The following BBS9 variants were observed in gnomAD, a reference collection of about 807,000 sequenced individuals.
The protein encoded by BBS9 is protein PTHB1.
Under a neutral mutation model 117.7 loss-of-function variants are expected in BBS9, and 89 were observed. The ratio of observed to expected loss-of-function variants is 0.76; its 90% CI spans 0.64 to 0.90. The LOEUF (loss-of-function observed/expected upper bound fraction) is 0.90. Ranked by LOEUF, BBS9 falls within the 40% of genes least tolerant of loss-of-function variation. The pLI is 0.00. For synonymous variants in BBS9, 379 were observed against 370.9 expected (o/e 1.02, Z -0.25); for missense variants, 982 against 1,042.2 (o/e 0.94, Z 0.80).
At chr7:33,219,768 A>G (rs1265471303) in intron 5 of BBS9, among the ~76,000 whole-genome samples, 1 of 152,190 alleles carries the variant, frequency 6.6e-6, no homozygotes, top group Non-Finnish European at 1.5e-5. Flanking sequence ...GGGTGGGGCC[A>G]GATAAGAGAA....
intron 6 of BBS9, among the ~76,000 whole-genome samples, chr7:33,257,656 G>A (rs1032800671): frequency 2.0e-5 from 3 of 152,084 alleles, no homozygotes; most frequent in African/African-American, 7.2e-5. Context: ...GATGTTTGAT[G>A]GTCCTTATCC....
chr7:33,317,211 G>C (rs1810695344), intron 9 of BBS9, among the ~76,000 whole-genome samples: 1 of 152,094 alleles, frequency 6.6e-6, no homozygotes, highest in Non-Finnish European at 1.5e-5. Flanking sequence ...CCATTGATCT[G>C]TTTAGTCTCA....
intron 9 of BBS9, among the ~76,000 whole-genome samples, chr7:33,332,920 T>G (rs1814436255): frequency 6.6e-6 from 1 of 152,136 alleles, no homozygotes; most frequent in Non-Finnish European, 1.5e-5. Context: ...TTAGGTACAT[T>G]CATACTGCTG....
intron 19 of BBS9, among the ~76,000 whole-genome samples, chr7:33,408,039 G>A (rs1002990638): frequency 6.6e-6 from 1 of 152,228 alleles, no homozygotes; most frequent in African/African-American, 2.4e-5. Flanking sequence ...TGCCCCCAGA[G>A]GTGGAGCCTA....
At chr7:33,143,344 G>A (rs191669221) in intron 1 of BBS9, among the ~76,000 whole-genome samples, 85 of 152,066 alleles carry the variant, frequency 5.6e-4, no homozygotes, top group African/African-American at 1.9e-3. Flanking sequence ...CACCAACAGC[G>A]TACAGAGATT....
intron 19 of BBS9, among the ~76,000 whole-genome samples, chr7:33,473,481 A>G (rs557565440): frequency 1.7e-3 from 258 of 151,856 alleles, no homozygotes; most frequent in African/African-American, 6.0e-3. Flanking sequence ...CCGACACCAC[A>G]CCCAGCTAAT....
At chr7:33,329,489 A>G (rs555883277) in intron 9 of BBS9, among the ~76,000 whole-genome samples, 1 of 152,206 alleles carries the variant, frequency 6.6e-6, no homozygotes, top group African/African-American at 2.4e-5. Flanking sequence ...TTACTTTTAC[A>G]TTTATTATTT....
At chr7:33,521,025 G>T (rs1328699693) in intron 20 of BBS9, among the ~76,000 whole-genome samples, 1 of 152,074 alleles carries the variant, frequency 6.6e-6, no homozygotes, top group Non-Finnish European at 1.5e-5. Context: ...TCTGAGTAGT[G>T]CAGGTAACTG....
At chr7:33,275,013 A>AG (rs1800496610) in intron 9 of BBS9, among the ~76,000 whole-genome samples, 2 of 151,460 alleles carry the variant, frequency 1.3e-5, no homozygotes. Flanking sequence ...AAAAAAAAAA[A>AG]AAAGCCATCT....
chr7:33,568,018 A>AT (rs1452879212), intron 21 of BBS9, among the ~76,000 whole-genome samples: 7 of 152,110 alleles, frequency 4.6e-5, no homozygotes, highest in African/African-American at 1.7e-4. Context: ...TCTTCAATAC[A>AT]TTTTTTATAC....
chr7:33,149,363 CT>C, intron 2 of BBS9, among the ~76,000 whole-genome samples: 1 of 152,098 alleles, frequency 6.6e-6, no homozygotes, highest in South Asian at 2.1e-4. Context: ...TTGACCTCTA[CT>C]TTTTTTTAGG....
chr7:33,321,746 A>G (rs2128582856), intron 9 of BBS9, among the ~76,000 whole-genome samples: 1 of 152,192 alleles, frequency 6.6e-6, no homozygotes. Context: ...TAGGACTTTT[A>G]GTACTATGGT....
chr7:33,625,903 A>G (rs1379460208), intron 21 of BBS9, among the ~76,000 whole-genome samples: 1 of 152,228 alleles, frequency 6.6e-6, no homozygotes, highest in Admixed American at 6.5e-5. Flanking sequence ...ACACTAAATT[A>G]TATGTCTGAA....
rs1051716854 is a variant in BBS9 at position 33,155,689 on chromosome 7, C to A, written c.315C>A (p.Val105=). 2.6e-6 allele frequency: 4 copies of A among 1,517,988 alleles called. No homozygotes were observed. Among genetic ancestry groups the A allele is most frequent in the Non-Finnish European group, 3.6e-6 (4 of 1,111,012 alleles). 94.0% of individuals were successfully genotyped at this position (1,517,988 alleles called of 1,614,324 possible). The part of the protein sequence containing the change: ...LAVLHSRKLC[V]YSVSGTLGNV... ...TGTTACATTCTAGAAAACTTTGTGT[C>A]TACTCTGTCTCAGGTAAGAAATATT... is the stretch of plus-strand genomic sequence containing the variant. The change falls in exon 4 of 23, where the codon GTC becomes GTA. Residue 105 remains valine, a synonymous_variant. Coordinates refer to ENST00000242067, the MANE Select transcript of BBS9 (RefSeq NM_198428.3).
intron 14 of BBS9, among the ~76,000 whole-genome samples, 179 bp from the exon 15 acceptor site, chr7:33,352,680 A>G (rs1818885557): frequency 6.6e-6 from 1 of 152,138 alleles, no homozygotes; most frequent in Non-Finnish European, 1.5e-5. Flanking sequence ...TATTTGTGTT[A>G]TACTCTCAAT....
intron 5 of BBS9, among the ~76,000 whole-genome samples, chr7:33,236,531 G>A (rs961923842): frequency 4.0e-5 from 6 of 151,590 alleles, no homozygotes; most frequent in Non-Finnish European, 8.8e-5. Context: ...TACTATGCCT[G>A]TCTTTCTATG....
At chr7:33,381,050 C>A (rs76339959) in intron 17 of BBS9, among the ~76,000 whole-genome samples, 1 of 152,100 alleles carries the variant, frequency 6.6e-6, no homozygotes, top group African/African-American at 2.4e-5. Flanking sequence ...ATACCAAAGA[C>A]CAGGGGGTTC....
intron 21 of BBS9, among the ~76,000 whole-genome samples, chr7:33,601,904 G>A (rs751285633): frequency 2.6e-5 from 4 of 152,084 alleles, no homozygotes; most frequent in South Asian, 2.1e-4. Flanking sequence ...TTACCATCCC[G>A]TTCACCTCCA....
chr7:33,448,588 A>G (rs1237360466), intron 19 of BBS9, among the ~76,000 whole-genome samples: 1 of 152,260 alleles, frequency 6.6e-6, no homozygotes, highest in Non-Finnish European at 1.5e-5. Context: ...CAATTGGCCC[A>G]ATACCTGTAA....
Sources: gnomAD v4.1 joint callset for allele counts (sites outside exome capture counted in the v4.1 genomes callset) on GRCh38, gnomAD v4.1.1 for gene constraint, MANE v1.5 for transcripts, NCBI Gene and HGNC (gene_info 2026-07-23, HGNC 2026-07-21) for gene names.